The following GLIS3 variants were observed in gnomAD, a reference collection of about 807,000 sequenced individuals.
The protein encoded by GLIS3 is zinc finger protein GLIS3.
In GLIS3, 53 loss-of-function variants were observed where a neutral mutation model predicts 78.6. The observed-to-expected ratio is 0.67, with a 90% CI of 0.54 to 0.85. The LOEUF (loss-of-function observed/expected upper bound fraction) is 0.85, where lower values mean the gene tolerates loss of function less well. Ranked by LOEUF, GLIS3 falls within the 40% of genes least tolerant of loss-of-function variation. The probability of loss-of-function intolerance (pLI) is 0.00; values close to 1 mark genes in which losing one functional copy is unlikely to be tolerated. For missense variants in GLIS3, 1,703 were observed against 1,231.1 expected (o/e 1.38, Z -5.74); for synonymous variants, 684 against 509.9 (o/e 1.34, Z -4.60).
chr9:4,479,217 C>G, the GLIS3 span, among the ~76,000 whole-genome samples: 39 of 152,240 alleles, frequency 2.6e-4, no homozygotes, highest in Non-Finnish European at 4.0e-4. Context: ...TGAGCCACTG[C>G]ACCAGGCCTC....
chr9:4,436,427 T>C, the GLIS3 span, among the ~76,000 whole-genome samples: 1 of 152,126 alleles, frequency 6.6e-6, no homozygotes, highest in Non-Finnish European at 1.5e-5. Context: ...GTGAATTCAA[T>C]CTCTGTCTGT....
At chr9:4,102,741 CA>C (rs1830468771) in intron 4 of GLIS3, among the ~76,000 whole-genome samples, 2 of 152,084 alleles carry the variant, frequency 1.3e-5, no homozygotes, top group Non-Finnish European at 2.9e-5. Flanking sequence ...CCCTAAGACA[CA>C]GTCTTAAATA....
At chr9:4,330,525 G>T in intron 2 of GLIS3, among the ~76,000 whole-genome samples, 1 of 152,190 alleles carries the variant, frequency 6.6e-6, no homozygotes, top group East Asian at 1.9e-4. Flanking sequence ...CCACTTAGGT[G>T]GAGGGAGATG....
At chr9:4,487,705 ATAG>A in the GLIS3 span, among the ~76,000 whole-genome samples, 1 of 145,950 alleles carries the variant, frequency 6.9e-6, no homozygotes. Flanking sequence ...TTTTTTTTAA[ATAG>A]ATAGAGTCTC....
At chr9:4,255,491 T>TA (rs1423764049) in intron 2 of GLIS3, among the ~76,000 whole-genome samples, 1 of 152,112 alleles carries the variant, frequency 6.6e-6, no homozygotes, top group Non-Finnish European at 1.5e-5. Flanking sequence ...GGTGAATGGA[T>TA]AAACAGTCGT....
At chr9:4,339,643 C>T (rs144400449) in intron 2 of GLIS3, among the ~76,000 whole-genome samples, 19 of 149,126 alleles carry the variant, frequency 1.3e-4, no homozygotes, top group African/African-American at 4.7e-4. Context: ...TCAGACTTTT[C>T]ATTGAGCAAA....
rs1404515268 is a variant in GLIS3, at chr9:3,825,984, T to A, written c.*2288A>T. 6.6e-6 allele frequency: 1 copy of A among 152,186 alleles called. No individual in the cohort carries two copies. The highest frequency in any genetic ancestry group is 1.5e-5 in the Non-Finnish European group (1 of 68,046). The allele number at this position is 152,186 out of a possible 1,614,324, so 9.4% of individuals were successfully genotyped here. A position where few individuals can be genotyped will look rare whatever the true frequency, so the allele number is the denominator to read the frequency against. On this transcript the variant is annotated 3_prime_UTR_variant, in exon 11 of 11. Transcript: ENST00000381971. ...CTGTGAGGTAAGAAAGGGGCAGGGT[T>A]ACTGTGAGAGGCCACAGGAAGACTG...
At chr9:4,098,736 G>T (rs76266122) in intron 4 of GLIS3, among the ~76,000 whole-genome samples, 2 of 152,056 alleles carry the variant, frequency 1.3e-5, no homozygotes, top group East Asian at 3.9e-4. Flanking sequence ...TTTTACGATC[G>T]AAATGGAAAT....
At chr9:3,926,709 G>A (rs1012834655) in intron 6 of GLIS3, among the ~76,000 whole-genome samples, 1 of 150,852 alleles carries the variant, frequency 6.6e-6, no homozygotes, top group Non-Finnish European at 1.5e-5. Flanking sequence ...CACAACCTCT[G>A]CCTCCCGCGT....
intron 4 of GLIS3, among the ~76,000 whole-genome samples, chr9:4,014,326 A>G (rs972951118): frequency 6.6e-6 from 1 of 152,180 alleles, no homozygotes; most frequent in Non-Finnish European, 1.5e-5. Context: ...CCCCCTCCCT[A>G]CCACTGCCAA....
chr9:3,924,484 C>G (rs181335281), intron 6 of GLIS3, among the ~76,000 whole-genome samples: 117 of 152,348 alleles, frequency 7.7e-4, no homozygotes, highest in Non-Finnish European at 1.3e-3. Context: ...AATCCAAACA[C>G]CACTCTAAGA....
At chr9:4,232,397 AAAAAG>A (rs1233655240) in intron 2 of GLIS3, among the ~76,000 whole-genome samples, 1 of 150,250 alleles carries the variant, frequency 6.7e-6, no homozygotes, top group African/African-American at 2.4e-5. Context: ...AAAAAAAAAA[AAAAAG>A]AAAAGAAAAA....
intron 2 of GLIS3, among the ~76,000 whole-genome samples, chr9:4,143,380 A>G (rs1833957845): frequency 6.6e-6 from 1 of 152,034 alleles, no homozygotes; most frequent in Non-Finnish European, 1.5e-5. Flanking sequence ...CAGCCTGTCC[A>G]ACATGATGAA....
At chr9:4,023,905 C>T (rs1195100200) in intron 4 of GLIS3, among the ~76,000 whole-genome samples, 2 of 151,862 alleles carry the variant, frequency 1.3e-5, no homozygotes, top group Non-Finnish European at 2.9e-5. Flanking sequence ...GATCGGTGGC[C>T]TCAATGCTCG....
At chr9:4,271,893 C>T (rs1311052402) in intron 2 of GLIS3, among the ~76,000 whole-genome samples, 1 of 152,194 alleles carries the variant, frequency 6.6e-6, no homozygotes, top group African/African-American at 2.4e-5. Context: ...AGCTTTGCCA[C>T]ATATTGGCCA....
the GLIS3 span, among the ~76,000 whole-genome samples, chr9:4,445,406 TG>T: frequency 6.6e-6 from 1 of 152,292 alleles, no homozygotes; most frequent in Non-Finnish European, 1.5e-5. Context: ...GCTGGCAGAT[TG>T]CTTGAGGCCA....
chr9:4,285,086 G>A (rs1178977353), intron 2 of GLIS3, among the ~76,000 whole-genome samples: 1 of 152,128 alleles, frequency 6.6e-6, no homozygotes, highest in Non-Finnish European at 1.5e-5. Flanking sequence ...CTGAATGACT[G>A]GCTATTCTGA....
chr9:4,222,098 A>G (rs1821377145), intron 2 of GLIS3, among the ~76,000 whole-genome samples: 2 of 152,292 alleles, frequency 1.3e-5, no homozygotes, highest in Admixed American at 6.5e-5. Context: ...TCATGCTGCC[A>G]GTAACACCTC....
chr9:4,063,625 T>G (rs1215249832), intron 4 of GLIS3, among the ~76,000 whole-genome samples: 1 of 152,052 alleles, frequency 6.6e-6, no homozygotes, highest in East Asian at 1.9e-4. Flanking sequence ...GCATATTTGC[T>G]ATTAACTCAC....
Sources: gnomAD v4.1 joint callset for allele counts (sites outside exome capture counted in the v4.1 genomes callset) on GRCh38, gnomAD v4.1.1 for gene constraint, MANE v1.5 for transcripts, NCBI Gene and HGNC (gene_info 2026-07-23, HGNC 2026-07-21) for gene names.